Variants in ANKRD29 observed in about 807,000 individuals in gnomAD.
ANKRD29 encodes the protein ankyrin repeat domain-containing protein 29.
In ANKRD29, 32 loss-of-function variants were observed where a neutral mutation model predicts 38.0. That is an observed-to-expected ratio of 0.84 (90% confidence interval 0.64 to 1.13). The LOEUF (loss-of-function observed/expected upper bound fraction) is 1.13. ANKRD29 is among the 50% of genes most tolerant of loss of function. The pLI is 0.00. For missense variants in ANKRD29, 357 were observed against 377.9 expected (o/e 0.94, Z 0.46); for synonymous variants, 135 against 152.4 (o/e 0.89, Z 0.84).
chr18:23,613,546 T>C (rs1002547094), intron 8 of ANKRD29, among the ~76,000 whole-genome samples: 1 of 152,132 alleles, frequency 6.6e-6, no homozygotes, highest in Non-Finnish European at 1.5e-5. Flanking sequence ...TTTCTAAAGC[T>C]TGTTCCTTTT....
chr18:23,611,367 C>A (rs1395721699), intron 9 of ANKRD29, among the ~76,000 whole-genome samples: 1 of 152,116 alleles, frequency 6.6e-6, no homozygotes, highest in Non-Finnish European at 1.5e-5. Flanking sequence ...CTCGCCTCCA[C>A]CAGGAGAGTG....
At chr18:23,625,118 C>G (rs537008025) in intron 6 of ANKRD29, among the ~76,000 whole-genome samples, 1 of 152,260 alleles carries the variant, frequency 6.6e-6, no homozygotes, top group East Asian at 1.9e-4. Flanking sequence ...GTTGGGAGTC[C>G]AAGAGCTGTG....
intron 1 of ANKRD29, among the ~76,000 whole-genome samples, chr18:23,651,715 C>T (rs1158863722): frequency 6.6e-6 from 1 of 152,234 alleles, no homozygotes; most frequent in Non-Finnish European, 1.5e-5. Context: ...CGGGGCCTCT[C>T]CTCCCTTTAG....
chr18:23,626,414 G>A (rs753197014), intron 6 of ANKRD29, among the ~76,000 whole-genome samples: 3 of 152,156 alleles, frequency 2.0e-5, no homozygotes, highest in African/African-American at 7.2e-5. Flanking sequence ...GTGGAGTTGG[G>A]AAAATATATG....
intron 6 of ANKRD29, among the ~76,000 whole-genome samples, chr18:23,628,495 T>C (rs1417200288): frequency 6.6e-6 from 1 of 152,148 alleles, no homozygotes; most frequent in Non-Finnish European, 1.5e-5. Flanking sequence ...CCTAGGAAAC[T>C]ACCTTTATAG....
Position 23,599,381 on chromosome 18 carries a change from A to G in ANKRD29, c.*1845T>C, listed in dbSNP as rs2059487689. On this transcript the variant is annotated 3_prime_UTR_variant, in exon 10 of 10. Coordinates refer to ENST00000592179, the MANE Select transcript of ANKRD29 (RefSeq NM_173505.4). ...TTACATGTTTTAGTGAAAAACAGTA[A>G]GTTTGTGATTCATCCCATTTTGGCT... The G allele has an allele frequency of 6.6e-6, 1 of 152,352 alleles. No homozygotes were observed. The highest frequency in any genetic ancestry group is 3.4e-3 in the Middle Eastern group (1 of 294). The allele number at this position is 152,352 out of a possible 1,614,324, so 9.4% of individuals were successfully genotyped here.
rs1161899007 is a variant in ANKRD29, at chr18:23,600,675, G to A, written c.*551C>T. The A allele has an allele frequency of 6.5e-6, 1 of 152,676 alleles. No homozygotes were observed. Among genetic ancestry groups the A allele is most frequent in the Non-Finnish European group, 1.5e-5 (1 of 68,072 alleles). 9.5% of individuals were successfully genotyped at this position (152,676 alleles called of 1,614,324 possible). The stretch of plus-strand genomic sequence containing the variant: ...CAGAAGTGGTTTTTTAATAATGTAT[G>A]TTTACACTTCATTGATTTATAACAA... On this transcript the variant is annotated 3_prime_UTR_variant, in exon 10 of 10. Coordinates refer to ENST00000592179, the MANE Select transcript of ANKRD29 (RefSeq NM_173505.4).
At position 23,650,552 on chromosome 18, in the gene ANKRD29, ATCT is replaced by A. The variant is rs200531173; in HGVS notation, c.22-1362_22-1360del. Among the ~76,000 whole-genome samples, 935 of 152,300 alleles carry A rather than the reference ATCT, an allele frequency of 6.1e-3. 8 individuals are homozygous for A. The highest frequency in any genetic ancestry group is 9.5e-3 in the Non-Finnish European group (645 of 68,018). On this transcript the variant is annotated intron_variant, in intron 1 of 9. Coordinates refer to ENST00000592179, the MANE Select transcript of ANKRD29 (RefSeq NM_173505.4). ...GGGTGGCAGAGCTGACTGTAGTACA[ATCT>A]TCTTCTCTAAAATAATTGATATGAG...
At chr18:23,608,511 T>TC (rs2059600206) in intron 9 of ANKRD29, among the ~76,000 whole-genome samples, 1 of 152,244 alleles carries the variant, frequency 6.6e-6, no homozygotes, top group African/African-American at 2.4e-5. Flanking sequence ...TATTCCATTA[T>TC]TCTAGGAGAT....
chr18:23,603,208 A>T (rs2059534621), intron 9 of ANKRD29, among the ~76,000 whole-genome samples: 1 of 152,268 alleles, frequency 6.6e-6, no homozygotes, highest in Non-Finnish European at 1.5e-5. Context: ...TGAACTTTAA[A>T]ACCCACAGGT....
chr18:23,638,236 G>A lies in ANKRD29; in HGVS notation c.330+613C>T, dbSNP rs137942257. ...AGGCCGGTCTCGAACTCCTAACCTC[G>A]TGATCCCCCTGCCTCGGCCTCCCAA... On this transcript the variant is annotated intron_variant, in intron 4 of 9. Coordinates refer to ENST00000592179, the MANE Select transcript of ANKRD29 (RefSeq NM_173505.4). Among the ~76,000 whole-genome samples the A allele has an allele frequency of 2.5e-3, 378 of 151,992 alleles. 4 individuals carry two copies. In the East Asian group the frequency reaches 0.039, roughly 16 times the overall value.
At position 23,601,795 on chromosome 18, in the gene ANKRD29, G is replaced by A. The variant is rs556686788; in HGVS notation, c.823-486C>T. The stretch of plus-strand genomic sequence containing the variant: ...AATGATCCTCCCACCTCAGCCTCCC[G>A]AGTAGCTGGGACCACAGATGTGCAC... On this transcript the variant is annotated intron_variant, in intron 9 of 9. Coordinates refer to ENST00000592179, the MANE Select transcript of ANKRD29 (RefSeq NM_173505.4). Among the ~76,000 whole-genome samples, 29 of 151,936 alleles carry A rather than the reference G, an allele frequency of 1.9e-4. 1 individual carries two copies. In the South Asian group the frequency reaches 4.6e-3, roughly 24 times the overall value.
At chr18:23,624,465 T>TCAAAAAA (rs2059835076) in intron 6 of ANKRD29, among the ~76,000 whole-genome samples, 1 of 7,226 alleles carries the variant, frequency 1.4e-4, no homozygotes, top group Non-Finnish European at 4.7e-4. Context: ...AGACTCCATC[T>TCAAAAAA]CAAAAAAAAA....
At chr18:23,611,084 T>C (rs1427558537) in intron 9 of ANKRD29, among the ~76,000 whole-genome samples, 1 of 152,238 alleles carries the variant, frequency 6.6e-6, no homozygotes, top group Non-Finnish European at 1.5e-5. Flanking sequence ...ATGACAATCA[T>C]TTAAAAAAAT....
At chr18:23,648,587 A>G (rs1490094607) in intron 2 of ANKRD29, 1 of 249,386 alleles carries the variant, frequency 4.0e-6, no homozygotes, top group Non-Finnish European at 7.6e-6. Flanking sequence ...GGGCAGTAGT[A>G]TCTATTTTTG....
chr18:23,626,497 A>G (rs758861688), intron 6 of ANKRD29, among the ~76,000 whole-genome samples: 2 of 152,222 alleles, frequency 1.3e-5, no homozygotes, highest in African/African-American at 2.4e-5. Context: ...ACTCATAGCA[A>G]CTCAACTTGG....
chr18:23,624,378 A>G (rs1022833708), intron 6 of ANKRD29, among the ~76,000 whole-genome samples: 2 of 144,668 alleles, frequency 1.4e-5, no homozygotes, highest in African/African-American at 5.1e-5. Flanking sequence ...GAGGCAGGAG[A>G]ATCACTTGAG....
rs536725142 is a variant in ANKRD29, at chr18:23,617,419, C to T, written c.723+313G>A. 1.1e-4 allele frequency among the ~76,000 whole-genome samples: 16 copies of T among 152,132 alleles called. No individual in the cohort carries two copies. The South Asian group carries it at 3.3e-3, about 32-fold the overall frequency. On this transcript the variant is annotated intron_variant, in intron 8 of 9. Transcript: ENST00000592179. ...AAGAGAACAGACATAAGTGTCTGTT[C>T]TTCTTCCTTGATTTCACAAATCCTC...
At chr18:23,626,342 T>C (rs1357727379) in intron 6 of ANKRD29, among the ~76,000 whole-genome samples, 1 of 152,226 alleles carries the variant, frequency 6.6e-6, no homozygotes, top group East Asian at 1.9e-4. Context: ...TAACCTCAGC[T>C]CTGGGTTAAC....
Sources: gnomAD v4.1 joint callset for allele counts (sites outside exome capture counted in the v4.1 genomes callset) on GRCh38, gnomAD v4.1.1 for gene constraint, MANE v1.5 for transcripts, NCBI Gene and HGNC (gene_info 2026-07-23, HGNC 2026-07-21) for gene names.